PSD3: variants seen among roughly 807,000 people sequenced by gnomAD.
The protein encoded by PSD3 is pleckstrin and Sec7 domain containing 3.
PSD3 carries 49 observed loss-of-function variants against 105.5 expected under a neutral mutation model. That is an observed-to-expected ratio of 0.46 (90% confidence interval 0.37 to 0.59). The LOEUF (loss-of-function observed/expected upper bound fraction) is 0.59, where lower values mean the gene tolerates loss of function less well. Ranked by LOEUF, PSD3 falls within the 20% of genes least tolerant of loss-of-function variation. The pLI is 0.00. For synonymous variants in PSD3, 557 were observed against 457.8 expected (o/e 1.22, Z -2.77); for missense variants, 1,561 against 1,263.8 (o/e 1.24, Z -3.57).
chr8:18,585,232 G>A (rs1803091804), intron 12 of PSD3, among the ~76,000 whole-genome samples: 1 of 152,158 alleles, frequency 6.6e-6, no homozygotes, highest in Non-Finnish European at 1.5e-5. Context: ...GGTTGAGAAG[G>A]CCTAACTCTT....
intron 1 of PSD3, among the ~76,000 whole-genome samples, chr8:18,976,921 G>C (rs1824971879): frequency 6.6e-6 from 1 of 152,208 alleles, no homozygotes; most frequent in African/African-American, 2.4e-5. Flanking sequence ...TATAGAGAAT[G>C]AGGTAGTTCT....
At chr8:18,548,491 T>G (rs1224845111) in intron 15 of PSD3, among the ~76,000 whole-genome samples, 1 of 152,204 alleles carries the variant, frequency 6.6e-6, no homozygotes, top group Non-Finnish European at 1.5e-5. Context: ...AGCTAGGGAT[T>G]TTGAGGCTCT....
chr8:18,815,937 C>T (rs115174007), intron 4 of PSD3, among the ~76,000 whole-genome samples: 2,132 of 152,148 alleles, frequency 0.014, 58 homozygotes, highest in African/African-American at 0.048. Flanking sequence ...ATTTTGTGTG[C>T]AATGTTAAAA....
chr8:18,774,678 G>C, intron 8 of PSD3: 1 of 359,592 alleles, frequency 2.8e-6, no homozygotes, highest in Non-Finnish European at 5.5e-6. Flanking sequence ...CCACAGATCT[G>C]GGGGCTAGTA....
intron 2 of PSD3, among the ~76,000 whole-genome samples, chr8:18,898,474 A>G (rs1192657049): frequency 2.0e-5 from 3 of 152,052 alleles, no homozygotes; most frequent in African/African-American, 4.8e-5. Flanking sequence ...ATACTTTCAC[A>G]TTCAGTCTAC....
chr8:18,596,474 A>C (rs1417605922), intron 12 of PSD3, among the ~76,000 whole-genome samples: 1 of 152,046 alleles, frequency 6.6e-6, no homozygotes, highest in African/African-American at 2.4e-5. Context: ...TGAAATAGAG[A>C]AATGAAAATC....
chr8:18,621,265 C>T (rs541886106), intron 11 of PSD3, among the ~76,000 whole-genome samples: 13 of 152,092 alleles, frequency 8.5e-5, no homozygotes, highest in African/African-American at 2.7e-4. Flanking sequence ...AAAATTAGCC[C>T]GGCATGGTGG....
intron 4 of PSD3, among the ~76,000 whole-genome samples, chr8:18,820,770 C>CT (rs1215512370): frequency 6.6e-6 from 1 of 152,056 alleles, no homozygotes; most frequent in Non-Finnish European, 1.5e-5. Context: ...TTCTGGTTTT[C>CT]TTTTCTCTTT....
intron 9 of PSD3, among the ~76,000 whole-genome samples, chr8:18,759,001 T>G (rs1806285543): frequency 6.6e-6 from 1 of 151,960 alleles, no homozygotes; most frequent in Non-Finnish European, 1.5e-5. Context: ...TTTTTATCAC[T>G]CCATTCATGG....
intron 8 of PSD3, among the ~76,000 whole-genome samples, chr8:18,787,573 TATC>T (rs2129445941): frequency 6.6e-6 from 1 of 152,274 alleles, no homozygotes; most frequent in Admixed American, 6.5e-5. Flanking sequence ...CTAATCAAGG[TATC>T]ATCCTTTATG....
At chr8:18,779,139 T>C (rs13439022) in intron 8 of PSD3, among the ~76,000 whole-genome samples, 12,508 of 152,210 alleles carry the variant, frequency 0.082, 1,111 homozygotes, top group East Asian at 0.33. Flanking sequence ...TTACTCATTA[T>C]TGATCTGTTC....
At chr8:18,974,044 T>C (rs765644807) in intron 1 of PSD3, among the ~76,000 whole-genome samples, 36 of 152,158 alleles carry the variant, frequency 2.4e-4, no homozygotes, top group Non-Finnish European at 5.9e-5. Flanking sequence ...TAGCCTACAA[T>C]ACAAATGATA....
intron 10 of PSD3, among the ~76,000 whole-genome samples, chr8:18,634,392 A>G (rs945063173): frequency 6.6e-6 from 1 of 152,166 alleles, no homozygotes; most frequent in Non-Finnish European, 1.5e-5. Context: ...GGATTCCCCT[A>G]TGCCCAGCTT....
intron 2 of PSD3, among the ~76,000 whole-genome samples, chr8:18,927,014 G>A (rs1057002819): frequency 2.6e-5 from 4 of 152,030 alleles, no homozygotes; most frequent in African/African-American, 7.3e-5. Flanking sequence ...TAGCTAGAGT[G>A]CCTCACAGAA....
chr8:18,890,290 C>G (rs757832995), intron 2 of PSD3, among the ~76,000 whole-genome samples: 13 of 151,718 alleles, frequency 8.6e-5, no homozygotes, highest in Non-Finnish European at 1.6e-4. Context: ...GTTCTTAGAT[C>G]TTGAAAAAAA....
At chr8:18,827,323 C>T (rs955364098) in intron 4 of PSD3, among the ~76,000 whole-genome samples, 2 of 152,254 alleles carry the variant, frequency 1.3e-5, no homozygotes, top group South Asian at 4.1e-4. Context: ...AAAGTTTTCC[C>T]AGCACCAGGG....
chr8:18,778,078 T>C (rs1402227785), intron 8 of PSD3, among the ~76,000 whole-genome samples: 1 of 152,246 alleles, frequency 6.6e-6, no homozygotes, highest in Non-Finnish European at 1.5e-5. Flanking sequence ...ATCTTGGCTA[T>C]CAAGAATAGT....
chr8:18,856,011 G>T (rs753334204), intron 4 of PSD3, among the ~76,000 whole-genome samples: 18 of 152,096 alleles, frequency 1.2e-4, no homozygotes, highest in Non-Finnish European at 2.1e-4. Flanking sequence ...AACAGAACAG[G>T]GGGCAAAGAG....
chr8:18,819,640 G>C (rs565490203), intron 4 of PSD3, among the ~76,000 whole-genome samples: 8 of 133,090 alleles, frequency 6.0e-5, no homozygotes, highest in African/African-American at 1.7e-4. Context: ...GTGCAGTGGC[G>C]CAATCTTGGC....
Sources: gnomAD v4.1 joint callset for allele counts (sites outside exome capture counted in the v4.1 genomes callset) on GRCh38, gnomAD v4.1.1 for gene constraint, MANE v1.5 for transcripts, NCBI Gene and HGNC (gene_info 2026-07-23, HGNC 2026-07-21) for gene names.